The following ANXA1 variants were observed in gnomAD, a reference collection of about 807,000 sequenced individuals.
ANXA1 encodes the protein annexin A1, also known as annexin I (lipocortin I).
In ANXA1, 39 loss-of-function variants were observed where a neutral mutation model predicts 47.9. The ratio of observed to expected loss-of-function variants is 0.81; its 90% confidence interval spans 0.63 to 1.06. The LOEUF (loss-of-function observed/expected upper bound fraction) is 1.06, where lower values mean the gene tolerates loss of function less well. Among genes scored for constraint, ANXA1 ranks in the 50% least tolerant of loss-of-function variants. The pLI, the probability that ANXA1 is intolerant of heterozygous loss-of-function variation, is 0.00. For missense variants in ANXA1, 446 were observed against 422.7 expected (o/e 1.06, Z -0.48); for synonymous variants, 146 against 142.5 (o/e 1.02, Z -0.17).
Position 73,158,481 on chromosome 9 carries a change from T to C in ANXA1, c.-14-41T>C, listed in dbSNP as rs536707670. ...GTGAGGAAGGAGAGGTTGTGTGTGG[T>C]GCATTTGTTTTGTAAAAGCATCTAA... On this transcript the variant is annotated intron_variant, in intron 1 of 12. Coordinates refer to ENST00000257497, the MANE Select transcript of ANXA1 (RefSeq NM_000700.3). The C allele has an allele frequency of 6.8e-6, 10 of 1,467,746 alleles. No homozygotes were observed. In the South Asian group the frequency reaches 1.1e-4, roughly 17 times the overall value. The allele number at this position is 1,467,746 out of a possible 1,614,324, so 90.9% of individuals were successfully genotyped here.
intron 8 of ANXA1, among the ~76,000 whole-genome samples, 179 bp downstream of exon 8, chr9:73,163,711 G>A (rs2118162221): frequency 6.6e-6 from 1 of 152,210 alleles, no homozygotes; most frequent in Admixed American, 6.5e-5. Flanking sequence ...AGTAGTCTTT[G>A]TAAGTTTTCA....
At chr9:73,167,583 G>A (rs757299304) in intron 11 of ANXA1, 28 bp downstream of exon 11, 7 of 1,585,122 alleles carry the variant, frequency 4.4e-6, no homozygotes, top group African/African-American at 1.4e-5. Context: ...TATATGTCCT[G>A]CTTAGAGGAA....
Position 73,160,295 on chromosome 9 carries a change from A to G in ANXA1, c.303A>G (p.Thr101=). ...ATGAAACACTGAAGAAAGCCCTTAC[A>G]GGTCACCTTGAGGAGGTTGTTTTAG... ...PLDETLKKAL[T]GHLEEVVLAL... Residue 101 remains threonine (T), a synonymous_variant, in exon 5 of 13, where the codon ACA becomes ACG. Transcript: ENST00000257497. 1.9e-6 allele frequency: 3 copies of G among 1,580,106 alleles called. No homozygotes were observed. The highest frequency in any genetic ancestry group is 2.6e-6 in the Non-Finnish European group (3 of 1,169,890).
chr9:73,167,500 A>G lies in ANXA1; in HGVS notation c.806A>G (p.Lys269Arg). 1 of 1,613,204 alleles carries G rather than the reference A, an allele frequency of 6.2e-7. No homozygotes were observed. The highest frequency in any genetic ancestry group is 8.5e-7 in the Non-Finnish European group (1 of 1,179,438). ...CTAAAATTTTCTTCTCTAACAGTGA[A>G]GTGCGCCACAAGCAAACCAGCTTTC... is the stretch of plus-strand genomic sequence containing the variant. ...DIEKCLTAIV[K>R]CATSKPAFFA... The change falls in exon 11 of 13, where the codon AAG (lysine) becomes AGG (arginine). Residue 269 changes from lysine to arginine, a missense_variant. By Grantham distance (26) the Lys-to-Arg change is conservative. Transcript: ENST00000257497.
intron 8 of ANXA1, among the ~76,000 whole-genome samples, chr9:73,164,355 G>T (rs1392229531): frequency 6.6e-6 from 1 of 152,010 alleles, no homozygotes; most frequent in African/African-American, 2.4e-5. Flanking sequence ...ATACATTGAA[G>T]GTTTTATCAT....
At chr9:73,154,401 C>T (rs1824016248) in intron 1 of ANXA1, 1 of 1,283,366 alleles carries the variant, frequency 7.8e-7, no homozygotes, top group Admixed American at 2.0e-5. Flanking sequence ...AATTCCCTCC[C>T]TCCCTTCTCT....
chr9:73,160,774 A>T (rs1266370567), intron 5 of ANXA1, 29 bp from the exon 6 acceptor site: 7 of 1,557,594 alleles, frequency 4.5e-6, no homozygotes, highest in African/African-American at 1.4e-5. Context: ...TTTTTTCTAC[A>T]TTTATCCTTT....
chr9:73,152,036 A>G (rs1040132646), intron 1 of ANXA1, 112 bp downstream of exon 1: 3 of 152,202 alleles, frequency 2.0e-5, no homozygotes, highest in Non-Finnish European at 2.9e-5. Context: ...ATTTAACATG[A>G]TAAGTCATTC....
At chr9:73,159,591 T>C (rs1371621824) in intron 4 of ANXA1, 168 bp downstream of exon 4, 7 of 524,144 alleles carry the variant, frequency 1.3e-5, no homozygotes, top group Non-Finnish European at 2.3e-5. Flanking sequence ...TAATCAATTT[T>C]ATCAAATTTC....
intron 7 of ANXA1, among the ~76,000 whole-genome samples, chr9:73,163,209 C>T (rs1347582021): frequency 1.3e-5 from 2 of 152,072 alleles, no homozygotes; most frequent in Non-Finnish European, 2.9e-5. Flanking sequence ...CGGCATTAAT[C>T]TCTTCATGAG....
chr9:73,162,693 G>A, intron 6 of ANXA1, 89 bp from the exon 7 acceptor site: 2 of 935,412 alleles, frequency 2.1e-6, no homozygotes, highest in South Asian at 3.2e-5. Flanking sequence ...CTGTGGCACT[G>A]TGAATTTTCA....
At position 73,160,790 on chromosome 9, in the gene ANXA1, T is replaced by C; in HGVS notation, c.385-13T>C. The C allele has an allele frequency of 6.3e-7, 1 of 1,593,322 alleles. No individual in the cohort carries two copies. Among genetic ancestry groups the C allele is most frequent in the South Asian group, 1.1e-5 (1 of 89,054 alleles). On this transcript the variant is annotated splice_polypyrimidine_tract_variant and intron_variant, in intron 5 of 12. Coordinates refer to ENST00000257497, the MANE Select transcript of ANXA1 (RefSeq NM_000700.3). ...TTTTTCTACATTTATCCTTTTCTTC[T>C]CTTCAAATTTAGGGCCTTGGAACTG...
intron 10 of ANXA1, 25 bp downstream of exon 10, chr9:73,166,217 G>A (rs1405661192): frequency 2.0e-6 from 3 of 1,517,954 alleles, no homozygotes; most frequent in African/African-American, 1.4e-5. Flanking sequence ...AGTTGAAAGA[G>A]TTTTCTAACT....
At position 73,165,297 on chromosome 9, in the gene ANXA1, C is replaced by T. The variant is rs938232099; in HGVS notation, c.706+88C>T. 4.8e-6 allele frequency: 5 copies of T among 1,036,192 alleles called. No individual in the cohort carries two copies. In the African/African-American group the frequency reaches 8.1e-5, roughly 17 times the overall value. The allele number at this position is 1,036,192 out of a possible 1,614,324, so 64.2% of individuals were successfully genotyped here. A position where few individuals can be genotyped will look rare whatever the true frequency, so the allele number is the denominator to read the frequency against. On this transcript the variant is annotated intron_variant, in intron 9 of 12. Transcript: ENST00000257497. ...CAAATAAGAGAAAGTAAAAACAGAACCCTTTTTCAATATCACTCCTGTATC... is the reference window on the plus strand; with the variant it reads ...CAAATAAGAGAAAGTAAAAACAGAATCCTTTTTCAATATCACTCCTGTATC...
chr9:73,163,417 A>C, intron 7 of ANXA1, 59 bp from the exon 8 acceptor site: 1 of 1,485,170 alleles, frequency 6.7e-7, no homozygotes, highest in Non-Finnish European at 9.3e-7. Context: ...AAGATAATTA[A>C]GTAAATCATG....
chr9:73,165,139 G>C lies in ANXA1; in HGVS notation c.636G>C (p.Arg212Ser). 1 of 1,612,684 alleles carries C rather than the reference G, an allele frequency of 6.2e-7. No homozygotes were observed. The highest frequency in any genetic ancestry group is 8.5e-7 in the Non-Finnish European group (1 of 1,179,034). ...AGGCCTTGTATGAAGCAGGAGAAAG[G>C]AGAAAGGGGACAGACGTAAACGTGT... is the stretch of plus-strand genomic sequence containing the variant. ...DARALYEAGE[R>S]RKGTDVNVFN... The change falls in exon 9 of 13, where the codon AGG (arginine) becomes AGC (serine). Residue 212 changes from arginine to serine, a missense_variant. Physicochemically the swap from Arg to Ser is moderately radical, Grantham distance 110 (BLOSUM62 -1). Transcript: ENST00000257497.
At chr9:73,155,483 T>G (rs961795333) in intron 1 of ANXA1, among the ~76,000 whole-genome samples, 4 of 152,184 alleles carry the variant, frequency 2.6e-5, no homozygotes, top group Admixed American at 1.3e-4. Flanking sequence ...TTGGCCAATA[T>G]ATAAAAAAAT....
At position 73,155,921 on chromosome 9, in the gene ANXA1, G is replaced by C. The variant is rs1318010735; in HGVS notation, c.-14-2601G>C. 4.7e-5 allele frequency among the ~76,000 whole-genome samples: 7 copies of C among 149,476 alleles called. No homozygotes were observed. The South Asian group carries it at 1.5e-3, about 31-fold the overall frequency. ...TATACCTTTTCCTGGGCTTTCTCTG[G>C]CTTTTTTTTTAAATGGACATTATTC... On this transcript the variant is annotated intron_variant, in intron 1 of 12. Transcript: ENST00000257497.
At chr9:73,159,945 T>C (rs1327057381) in intron 4 of ANXA1, 1 of 184,656 alleles carries the variant, frequency 5.4e-6, no homozygotes, top group Admixed American at 6.1e-5. Flanking sequence ...AAAAGTAATT[T>C]TACTTCTGTT....
Sources: allele counts gnomAD v4.1 joint callset (sites outside exome capture counted in the v4.1 genomes callset), GRCh38; gene constraint gnomAD v4.1.1; transcripts MANE v1.5; gene names NCBI Gene and HGNC (gene_info 2026-07-23, HGNC 2026-07-21).